Variants in R3HDM1 observed in about 807,000 individuals in gnomAD.
The protein encoded by R3HDM1 is R3H domain containing 1.
Under a neutral mutation model 141.1 loss-of-function variants are expected in R3HDM1, and 46 were observed. The ratio of observed to expected loss-of-function variants is 0.33; its 90% CI spans 0.26 to 0.42. The LOEUF (loss-of-function observed/expected upper bound fraction) is 0.42. R3HDM1 is among the 10% of genes least tolerant of loss of function. The probability of loss-of-function intolerance (pLI) is 1.00; values close to 1 mark genes in which losing one functional copy is unlikely to be tolerated. For synonymous variants in R3HDM1, 435 were observed against 472.9 expected (o/e 0.92, Z 1.04); for missense variants, 1,184 against 1,368.3 (o/e 0.87, Z 2.12).
chr2:135,545,719 G>A (rs939382096), intron 1 of R3HDM1, among the ~76,000 whole-genome samples: 1 of 152,190 alleles, frequency 6.6e-6, no homozygotes, highest in African/African-American at 2.4e-5. Flanking sequence ...CATTCCCACA[G>A]TAGTCTCTTC....
intron 11 of R3HDM1, 77 bp downstream of exon 11, chr2:135,636,260 C>A: frequency 6.7e-7 from 1 of 1,495,588 alleles, no homozygotes; most frequent in Non-Finnish European, 8.9e-7. Flanking sequence ...TCCCTTTTAT[C>A]TATTGATCAC....
intron 21 of R3HDM1, among the ~76,000 whole-genome samples, chr2:135,691,474 C>T (rs962334563): frequency 5.3e-5 from 8 of 151,484 alleles, no homozygotes; most frequent in Admixed American, 2.6e-4. Context: ...ATTAGCTGGG[C>T]GTGGTAGCTC....
intron 1 of R3HDM1, among the ~76,000 whole-genome samples, chr2:135,582,923 G>A (rs1707132694): frequency 6.6e-6 from 1 of 152,084 alleles, no homozygotes; most frequent in African/African-American, 2.4e-5. Context: ...AGGAAAGGAG[G>A]CCTACTGGAA....
At chr2:135,532,233 A>G (rs897833661) in intron 1 of R3HDM1, among the ~76,000 whole-genome samples, 2 of 152,266 alleles carry the variant, frequency 1.3e-5, no homozygotes, top group African/African-American at 2.4e-5. Context: ...CAGAAAAAGC[A>G]CAATGGGAAT....
chr2:135,618,671 A>G (rs1453460363), intron 5 of R3HDM1, among the ~76,000 whole-genome samples: 1 of 152,146 alleles, frequency 6.6e-6, no homozygotes, highest in East Asian at 1.9e-4. Context: ...GAAGAGCTAT[A>G]TAATACAGTC....
At chr2:135,699,037 A>T (rs74418028) in intron 21 of R3HDM1, among the ~76,000 whole-genome samples, 5,314 of 99,846 alleles carry the variant, frequency 0.053, 206 homozygotes, top group South Asian at 0.12. Context: ...ATAGATAGAT[A>T]GATAGATAAG....
chr2:135,645,657 C>T (rs2064316332), intron 16 of R3HDM1, 130 bp downstream of exon 16: 1 of 1,066,876 alleles, frequency 9.4e-7, no homozygotes, highest in African/African-American at 1.6e-5. Context: ...TAGTGATATT[C>T]CACTCACTAC....
chr2:135,575,862 CTTT>C (rs1441019656), intron 1 of R3HDM1, among the ~76,000 whole-genome samples: 2 of 152,024 alleles, frequency 1.3e-5, no homozygotes, highest in Non-Finnish European at 2.9e-5. Context: ...ACCAAGAAGC[CTTT>C]TTTACTTTTT....
chr2:135,664,652 C>A (rs1001737942), intron 19 of R3HDM1, among the ~76,000 whole-genome samples: 7 of 152,076 alleles, frequency 4.6e-5, no homozygotes, highest in Non-Finnish European at 1.0e-4. Context: ...TCCATGTGTC[C>A]CAGTGGACCA....
intron 24 of R3HDM1, among the ~76,000 whole-genome samples, chr2:135,721,195 G>A (rs2076665978): frequency 6.6e-6 from 1 of 152,170 alleles, no homozygotes; most frequent in African/African-American, 2.4e-5. Flanking sequence ...TGTTTAAAAT[G>A]TCATTTAGCC....
intron 1 of R3HDM1, among the ~76,000 whole-genome samples, chr2:135,551,380 A>G (rs775200561): frequency 2.0e-5 from 3 of 152,258 alleles, no homozygotes; most frequent in Non-Finnish European, 4.4e-5. Context: ...GTTTAAAACT[A>G]TTCGGGACCA....
intron 1 of R3HDM1, among the ~76,000 whole-genome samples, chr2:135,579,064 G>A (rs1233956316): frequency 6.6e-6 from 1 of 152,182 alleles, no homozygotes; most frequent in Non-Finnish European, 1.5e-5. Context: ...ATCCTAGTAA[G>A]CACATTAGTG....
chr2:135,683,789 C>G (rs1238325793), intron 21 of R3HDM1, among the ~76,000 whole-genome samples: 1 of 151,978 alleles, frequency 6.6e-6, no homozygotes, highest in Non-Finnish European at 1.5e-5. Context: ...CATCTAAGGG[C>G]TAATGAATAG....
At chr2:135,552,490 G>A (rs750578138) in intron 1 of R3HDM1, among the ~76,000 whole-genome samples, 2 of 152,076 alleles carry the variant, frequency 1.3e-5, no homozygotes, top group South Asian at 2.1e-4. Flanking sequence ...GCCACCACAC[G>A]CGGCCTAATC....
chr2:135,675,206 TA>T, intron 19 of R3HDM1, 125 bp from the exon 20 acceptor site: 1 of 950,760 alleles, frequency 1.1e-6, no homozygotes, highest in Non-Finnish European at 1.5e-6. Context: ...TAGATGGTTT[TA>T]GGGGCTTACC....
intron 1 of R3HDM1, among the ~76,000 whole-genome samples, chr2:135,546,333 C>T (rs1698684490): frequency 6.6e-6 from 1 of 152,134 alleles, no homozygotes; most frequent in Non-Finnish European, 1.5e-5. Flanking sequence ...GTGTCAATGT[C>T]ACCTGTGCCC....
intron 1 of R3HDM1, among the ~76,000 whole-genome samples, chr2:135,541,289 C>G (rs1697433434): frequency 6.6e-6 from 1 of 152,140 alleles, no homozygotes; most frequent in East Asian, 1.9e-4. Flanking sequence ...CAAGCTCCGC[C>G]TCCCGCCTCC....
At chr2:135,640,156 C>G (rs1304739552) in intron 14 of R3HDM1, among the ~76,000 whole-genome samples, 1 of 151,364 alleles carries the variant, frequency 6.6e-6, no homozygotes, top group Non-Finnish European at 1.5e-5. Context: ...TTTGGGTGAG[C>G]CTAAACATAA....
chr2:135,682,892 G>A (rs1215580146), intron 21 of R3HDM1, among the ~76,000 whole-genome samples: 3 of 152,144 alleles, frequency 2.0e-5, no homozygotes, highest in Non-Finnish European at 4.4e-5. Flanking sequence ...AGCTACTCGG[G>A]AGGCTGAGGC....
Sources: allele counts gnomAD v4.1 joint callset (sites outside exome capture counted in the v4.1 genomes callset), GRCh38; gene constraint gnomAD v4.1.1; transcripts MANE v1.5; gene names NCBI Gene and HGNC (gene_info 2026-07-23, HGNC 2026-07-21).